The following BCAS4 variants were observed in gnomAD, a reference collection of about 807,000 sequenced individuals.
BCAS4 encodes breast carcinoma amplified sequence 4, also known as breast carcinoma-amplified sequence 4.
A neutral mutation model predicts 15.7 loss-of-function variants in BCAS4; 9 were observed. The ratio of observed to expected loss-of-function variants is 0.57; its 90% CI spans 0.34 to 1.00. The LOEUF (loss-of-function observed/expected upper bound fraction) is 1.00, where lower values mean the gene tolerates loss of function less well. Ranked by LOEUF, BCAS4 falls within the 50% of genes least tolerant of loss-of-function variation. BCAS4 has a pLI of 0.02. For missense variants in BCAS4, 225 were observed against 239.1 expected, an observed-to-expected ratio of 0.94 and a Z score of 0.39; for synonymous variants, 101 against 99.5, an observed-to-expected ratio of 1.02 and a Z score of -0.09.
chr20:50,846,673 G>T (rs1396665846), intron 4 of BCAS4: 2 of 140,276 alleles, frequency 1.4e-5, no homozygotes, highest in African/African-American at 5.3e-5. Context: ...GAGTGCAGTG[G>T]TGCAATCTTG....
At chr20:50,840,472 G>A (rs930993137) in intron 3 of BCAS4, 1 of 1,005,370 alleles carries the variant, frequency 9.9e-7, no homozygotes, top group African/African-American at 1.6e-5. Flanking sequence ...GTTGTCAGTA[G>A]TTCTTTGATG....
chr20:50,844,323 A>G (rs1293030181), intron 4 of BCAS4, among the ~76,000 whole-genome samples: 1 of 152,074 alleles, frequency 6.6e-6, no homozygotes, highest in Non-Finnish European at 1.5e-5. Context: ...GGCCCTAGCT[A>G]CTCAGGAGGC....
Position 50,854,408 on chromosome 20 carries a change from G to A in BCAS4, c.399+12508G>A, listed in dbSNP as rs932623876. Among the ~76,000 whole-genome samples, 6 of 152,176 alleles carry A rather than the reference G, an allele frequency of 3.9e-5. No homozygotes were observed. The South Asian group carries it at 6.2e-4, about 16-fold the overall frequency. ...AGGCGCATAAGTTGTGGAGAGTGGC[G>A]TGCTTTGTTGAGTATTCACGTGAGG... is the stretch of plus-strand genomic sequence containing the variant. On this transcript the variant is annotated intron_variant, in intron 4 of 4. Coordinates refer to ENST00000371608, the MANE Select transcript of BCAS4 (RefSeq NM_198799.4).
At chr20:50,815,431 T>C (rs1423905165) in intron 1 of BCAS4, among the ~76,000 whole-genome samples, 1 of 152,142 alleles carries the variant, frequency 6.6e-6, no homozygotes, top group South Asian at 2.1e-4. Flanking sequence ...CTCCTCTCTT[T>C]CTCTTTCTCT....
chr20:50,795,322 C>A, intron 1 of BCAS4, 149 bp downstream of exon 1: 2 of 738,906 alleles, frequency 2.7e-6, no homozygotes, highest in Non-Finnish European at 3.8e-6. Context: ...TGCGGGGCGC[C>A]ACGCAGAGAT....
intron 4 of BCAS4, among the ~76,000 whole-genome samples, chr20:50,875,602 TAAA>T (rs3971637): frequency 0.13 from 12,774 of 100,596 alleles, 1,535 homozygotes; most frequent in African/African-American, 0.33. Flanking sequence ...TCATCTCTAC[TAAA>T]AAAAAAAAAA....
rs1435324525 is a variant in BCAS4, at chr20:50,815,394, G to C, written c.91-2817G>C. Among the ~76,000 whole-genome samples, 3 of 152,134 alleles carry C rather than the reference G, an allele frequency of 2.0e-5. No homozygotes were observed. The South Asian group carries it at 6.2e-4, about 32-fold the overall frequency. On this transcript the variant is annotated intron_variant, in intron 1 of 4. Transcript: ENST00000371608. ...GCGTTGTGTGCACCTGCACTCCCAG[G>C]ATCTCTCCATCACCCGCTGTGCCCC...
At chr20:50,805,265 G>A (rs375759512) in intron 1 of BCAS4, among the ~76,000 whole-genome samples, 13 of 152,004 alleles carry the variant, frequency 8.6e-5, no homozygotes, top group Admixed American at 6.6e-4. Context: ...CCCCCACCAC[G>A]AATCTCCTTC....
chr20:50,809,992 G>T (rs559039203), intron 1 of BCAS4, among the ~76,000 whole-genome samples: 2 of 152,068 alleles, frequency 1.3e-5, no homozygotes, highest in African/African-American at 4.8e-5. Context: ...ACCAGTTGTA[G>T]GAGCTTTTTG....
At chr20:50,815,463 GAAC>G (rs2088125740) in intron 1 of BCAS4, among the ~76,000 whole-genome samples, 1 of 152,138 alleles carries the variant, frequency 6.6e-6, no homozygotes, top group Admixed American at 6.5e-5. Context: ...GGACCAGAAA[GAAC>G]AACCAATCTT....
chr20:50,830,448 C>G (rs567996093), intron 3 of BCAS4, 68 bp downstream of exon 3: 76 of 1,339,762 alleles, frequency 5.7e-5, no homozygotes, highest in Non-Finnish European at 7.3e-5. Flanking sequence ...TCCGCAAAGA[C>G]GCCGATCTGG....
At chr20:50,816,354 C>T (rs2088137384) in intron 1 of BCAS4, among the ~76,000 whole-genome samples, 1 of 152,244 alleles carries the variant, frequency 6.6e-6, no homozygotes, top group Admixed American at 6.5e-5. Context: ...CTAATTTTTA[C>T]ACAAGTGCAT....
intron 1 of BCAS4, among the ~76,000 whole-genome samples, chr20:50,812,499 C>T (rs1337734857): frequency 2.6e-4 from 38 of 147,946 alleles, no homozygotes; most frequent in Admixed American, 2.5e-3. Flanking sequence ...TGCAGTGGAG[C>T]GATCTTAGCT....
At chr20:50,805,913 A>C (rs557108788) in intron 1 of BCAS4, among the ~76,000 whole-genome samples, 1 of 150,994 alleles carries the variant, frequency 6.6e-6, no homozygotes, top group East Asian at 2.0e-4. Context: ...GGAGGCAGTG[A>C]TTGCAGTGAG....
chr20:50,818,819 G>A (rs2123775519), intron 2 of BCAS4, among the ~76,000 whole-genome samples: 1 of 152,310 alleles, frequency 6.6e-6, no homozygotes, highest in East Asian at 1.9e-4. Flanking sequence ...AAATCTACTA[G>A]CCTGGCTGAG....
At chr20:50,804,285 C>T (rs951748425) in intron 1 of BCAS4, among the ~76,000 whole-genome samples, 7 of 152,132 alleles carry the variant, frequency 4.6e-5, no homozygotes, top group Admixed American at 1.3e-4. Context: ...GTGATCTGCC[C>T]GCCTGGGCCT....
chr20:50,818,157 G>T lies in BCAS4; in HGVS notation c.91-54G>T. On this transcript the variant is annotated intron_variant, in intron 1 of 4. Transcript: ENST00000371608. ...TAAAAAAAAAAAAAAAATGAAGGGT[G>T]TTTGTCTCCCTGGAAACCACTTGCT... 2.7e-6 allele frequency: 4 copies of T among 1,508,388 alleles called. No homozygotes were observed. The South Asian group carries it at 3.5e-5, about 13-fold the overall frequency. The allele number at this position is 1,508,388 out of a possible 1,614,324, so 93.4% of individuals were successfully genotyped here. A position where few individuals can be genotyped will look rare whatever the true frequency, so the allele number is the denominator to read the frequency against.
At position 50,812,308 on chromosome 20, in the gene BCAS4, AT is replaced by A. The variant is rs561181124; in HGVS notation, c.91-5897del. ...CTACCACGCCCGGCTAATTTTTTGTATTTTTTAGTAGAGACGGGGTTTCACC... is the reference window on the plus strand; with the variant it reads ...CTACCACGCCCGGCTAATTTTTTGTATTTTTAGTAGAGACGGGGTTTCACC... On this transcript the variant is annotated intron_variant, in intron 1 of 4. Coordinates refer to ENST00000371608, the MANE Select transcript of BCAS4 (RefSeq NM_198799.4). 8.3e-3 allele frequency among the ~76,000 whole-genome samples: 1,252 copies of A among 150,410 alleles called. 26 individuals carry two copies. Among genetic ancestry groups the A allele is most frequent in the Admixed American group, 0.04 (603 of 15,082 alleles).
intron 4 of BCAS4, among the ~76,000 whole-genome samples, chr20:50,847,409 G>A (rs2088559915): frequency 6.6e-6 from 1 of 152,170 alleles, no homozygotes; most frequent in African/African-American, 2.4e-5. Flanking sequence ...TTGCTTGTGA[G>A]GAATGGAGTG....
Sources: allele counts gnomAD v4.1 joint callset (sites outside exome capture counted in the v4.1 genomes callset), GRCh38; gene constraint gnomAD v4.1.1; transcripts MANE v1.5; gene names NCBI Gene and HGNC (gene_info 2026-07-23, HGNC 2026-07-21).